NOL12: variants seen among roughly 807,000 people sequenced by gnomAD.
NOL12 encodes nucleolar protein 12.
Under a neutral mutation model 25.2 loss-of-function variants are expected in NOL12, and 21 were observed. The ratio of observed to expected loss-of-function variants is 0.83; its 90% CI spans 0.59 to 1.20. The LOEUF is 1.20. Ranked by LOEUF, NOL12 falls within the 50% of genes most tolerant of loss-of-function variation. The probability of loss-of-function intolerance (pLI) is 0.00; values close to 1 mark genes in which losing one functional copy is unlikely to be tolerated. For synonymous variants in NOL12, 133 were observed against 113.8 expected (o/e 1.17, Z -1.08); for missense variants, 286 against 287.6 (o/e 0.99, Z 0.04).
intron 1 of NOL12, chr22:37,687,040 C>T (rs951635191): frequency 8.1e-6 from 8 of 985,318 alleles, no homozygotes; most frequent in Non-Finnish European, 9.6e-6. Flanking sequence ...GAGATTAGAC[C>T]GAGGGAAGGA....
rs946850830 is a variant in NOL12, at chr22:37,692,067, G to A, written c.*731G>A. ...GAAGGATTAATTAATTCTTTCTAAA[G>A]CAGTTGCAGCCGGGCTTGGTGGCTC... is the stretch of plus-strand genomic sequence containing the variant. On this transcript the variant is annotated 3_prime_UTR_variant, in exon 6 of 6. Coordinates refer to ENST00000359114, the MANE Select transcript of NOL12 (RefSeq NM_024313.3). 1 of 155,018 alleles carries A rather than the reference G, an allele frequency of 6.5e-6. No homozygotes were observed. The highest frequency in any genetic ancestry group is 6.5e-5 in the Admixed American group (1 of 15,328). The allele number at this position is 155,018 out of a possible 1,614,324, so 9.6% of individuals were successfully genotyped here.
chr22:37,687,735 G>A (rs1921884672), intron 1 of NOL12, 175 bp from the exon 2 acceptor site: 2 of 519,112 alleles, frequency 3.9e-6, no homozygotes, highest in South Asian at 4.0e-5. Flanking sequence ...TGGGATTACA[G>A]GCGTGAGCCA....
At chr22:37,688,803 G>C (rs1413884898) in intron 3 of NOL12, 47 bp from the exon 4 acceptor site, 23 of 1,610,062 alleles carry the variant, frequency 1.4e-5, no homozygotes, top group Non-Finnish European at 1.8e-5. Flanking sequence ...CTGGAGCCTG[G>C]TCACTCGTTC....
Position 37,688,977 on chromosome 22 carries a change from G to A in NOL12, c.366G>A (p.Gly122=), listed in dbSNP as rs1921943980. ...ACCTCTCGGGGGCCCGGCTGCTCGGGCTGACCCCACCTGAGGTGGGTCCCA... is the reference window on the plus strand; with the variant it reads ...ACCTCTCGGGGGCCCGGCTGCTCGGACTGACCCCACCTGAGGTGGGTCCCA... ...DLDLSGARLL[G]LTPPEGGAGD... The change falls in exon 4 of 6, where the codon GGG becomes GGA. Residue 122 remains glycine (G), a synonymous_variant. Transcript: ENST00000359114. 1 of 1,612,330 alleles carries A rather than the reference G, an allele frequency of 6.2e-7. No homozygotes were observed. Among genetic ancestry groups the A allele is most frequent in the African/African-American group, 1.3e-5 (1 of 74,948 alleles).
rs1260555460 is a variant in NOL12 at position 37,692,981 on chromosome 22, C to T, written c.*1645C>T. On this transcript the variant is annotated 3_prime_UTR_variant, in exon 6 of 6. Coordinates refer to ENST00000359114, the MANE Select transcript of NOL12 (RefSeq NM_024313.3). ...GCGCCTTGGCCTGGCTTCTTGGCTC[C>T]GCCCACCTGCTCTCCCTGCCACCAA... 8 of 336,118 alleles carry T rather than the reference C, an allele frequency of 2.4e-5. No individual in the cohort carries two copies. Among genetic ancestry groups the T allele is most frequent in the Admixed American group, 4.9e-5 (1 of 20,574 alleles). The allele number at this position is 336,118 out of a possible 1,614,324, so 20.8% of individuals were successfully genotyped here.
chr22:37,691,390 A>G lies in NOL12; in HGVS notation c.*54A>G. On this transcript the variant is annotated 3_prime_UTR_variant, in exon 6 of 6. Transcript: ENST00000359114. ...AGGCTGCGGGGACCTGTCCTTGCTCAGCTTGGCTGTCCCTGTAGCCCAGCC... is the reference window on the plus strand; with the variant it reads ...AGGCTGCGGGGACCTGTCCTTGCTCGGCTTGGCTGTCCCTGTAGCCCAGCC... 1 of 1,523,402 alleles carries G rather than the reference A, an allele frequency of 6.6e-7. No homozygotes were observed. Among genetic ancestry groups the G allele is most frequent in the South Asian group, 1.3e-5 (1 of 79,322 alleles). The allele number at this position is 1,523,402 out of a possible 1,614,324, so 94.4% of individuals were successfully genotyped here.
At chr22:37,691,112 G>C in intron 5 of NOL12, 62 bp from the exon 6 acceptor site, 1 of 1,528,532 alleles carries the variant, frequency 6.5e-7, no homozygotes, top group Non-Finnish European at 8.9e-7. Context: ...TCCCCTCCGT[G>C]AGCCAGGTGG....
chr22:37,688,036 A>G, intron 2 of NOL12, 21 bp downstream of exon 2: 2 of 744,698 alleles, frequency 2.7e-6, no homozygotes, highest in Admixed American at 2.2e-5. Context: ...GGAAGGTGGG[A>G]GGGAGGTCTT....
chr22:37,690,827 C>T (rs1168812234), intron 5 of NOL12, 33 bp downstream of exon 5: 1 of 1,510,256 alleles, frequency 6.6e-7, no homozygotes, highest in South Asian at 1.1e-5. Context: ...CCCGGTCCCA[C>T]CCCTCCTGGC....
At chr22:37,688,047 T>C (rs1049454189) in intron 2 of NOL12, 32 bp downstream of exon 2, 1 of 1,508,642 alleles carries the variant, frequency 6.6e-7, no homozygotes, top group East Asian at 2.4e-5. Flanking sequence ...GGGAGGTCTT[T>C]GATTCTTAGG....
intron 1 of NOL12, chr22:37,687,024 G>A: frequency 2.0e-6 from 2 of 985,426 alleles, no homozygotes; most frequent in Non-Finnish European, 2.4e-6. Flanking sequence ...GAGATGAGAA[G>A]GGGCTGAGAT....
chr22:37,688,681 G>A lies in NOL12; in HGVS notation c.239-169G>A, dbSNP rs915196573. Reference sequence around the variant, plus strand: ...GGACCAGCTAGAGCATGAAGGAAACGGGATCATTCACAACATTCATCCACA... The same window carrying A: ...GGACCAGCTAGAGCATGAAGGAAACAGGATCATTCACAACATTCATCCACA... On this transcript the variant is annotated intron_variant, in intron 3 of 5. Transcript: ENST00000359114. Among the ~76,000 whole-genome samples the A allele has an allele frequency of 2.0e-5, 3 of 152,146 alleles. No individual in the cohort carries two copies. In the East Asian group the frequency reaches 5.8e-4, roughly 29 times the overall value.
rs1287257355 is a variant in NOL12, at chr22:37,690,970, C to A, written c.479+176C>A. On this transcript the variant is annotated intron_variant, in intron 5 of 5. Transcript: ENST00000359114. Reference sequence around the variant, plus strand: ...CCCACCCACCCCTGATAGTGTCTGACCTCCAGTGCTTTTCGTGCCTGGGTG... The same window carrying A: ...CCCACCCACCCCTGATAGTGTCTGAACTCCAGTGCTTTTCGTGCCTGGGTG... 7.3e-6 allele frequency: 5 copies of A among 686,830 alleles called. 1 individual carries two copies. In the South Asian group the frequency reaches 9.7e-5, roughly 13 times the overall value. The allele number at this position is 686,830 out of a possible 1,614,324, so 42.5% of individuals were successfully genotyped here.
Position 37,691,582 on chromosome 22 carries a change from G to C in NOL12, c.*246G>C. The C allele has an allele frequency of 4.3e-6, 2 of 462,144 alleles. No individual in the cohort carries two copies. The highest frequency in any genetic ancestry group is 7.6e-6 in the Non-Finnish European group (2 of 264,508). The allele number at this position is 462,144 out of a possible 1,614,324, so 28.6% of individuals were successfully genotyped here. On this transcript the variant is annotated 3_prime_UTR_variant, in exon 6 of 6. Coordinates refer to ENST00000359114, the MANE Select transcript of NOL12 (RefSeq NM_024313.3). ...CCCCAGGAAGAGCCTTCAGAGCCAC[G>C]TGGGGGCATCTTCCCAAATGTGCAC...
Position 37,688,015 on chromosome 22 carries a change from G to A in NOL12, c.189G>A (p.Glu63=), listed in dbSNP as rs1230541759. 2 of 1,560,626 alleles carry A rather than the reference G, an allele frequency of 1.3e-6. No individual in the cohort carries two copies. The highest frequency in any genetic ancestry group is 1.2e-5 in the South Asian group (1 of 84,650). Residue 63 remains glutamate, a splice_region_variant and synonymous_variant, in exon 2 of 6, where the codon GAG becomes GAA. Coordinates refer to ENST00000359114, the MANE Select transcript of NOL12 (RefSeq NM_024313.3). Reference sequence around the variant, plus strand: ...AGGAGCAGAGGAAGCTTCGGGAGGAGGTACGCAGGGGGAAGGTGGGAGGGA... The same window carrying A: ...AGGAGCAGAGGAAGCTTCGGGAGGAAGTACGCAGGGGGAAGGTGGGAGGGA... The part of the protein sequence containing the change: ...LKEEQRKLRE[E]RHQEYLKMLA...
rs114377891 is a variant in NOL12 at position 37,690,819 on chromosome 22, C to T, written c.479+25C>T. ...GGTGAGTCTTGGCCTGCTGCCTCCCCGGTCCCACCCCTCCTGGCTGGCAGT... is the reference window on the plus strand; with the variant it reads ...GGTGAGTCTTGGCCTGCTGCCTCCCTGGTCCCACCCCTCCTGGCTGGCAGT... On this transcript the variant is annotated intron_variant, in intron 5 of 5. Coordinates refer to ENST00000359114, the MANE Select transcript of NOL12 (RefSeq NM_024313.3). 2.0e-3 allele frequency: 3,073 copies of T among 1,541,290 alleles called. 60 individuals carry two copies. In the African/African-American group the frequency reaches 0.037, roughly 19 times the overall value.
rs1053804606 is a variant in NOL12 at position 37,692,175 on chromosome 22, G to A, written c.*839G>A. ...AGCTCGAGACCAGCCTGGCCAACATGGTGAAACCCTGTCTCTACTAAAAAT... is the reference window on the plus strand; with the variant it reads ...AGCTCGAGACCAGCCTGGCCAACATAGTGAAACCCTGTCTCTACTAAAAAT... On this transcript the variant is annotated 3_prime_UTR_variant, in exon 6 of 6. Transcript: ENST00000359114. 1 of 210,592 alleles carries A rather than the reference G, an allele frequency of 4.7e-6. No homozygotes were observed. Among genetic ancestry groups the A allele is most frequent in the African/African-American group, 2.3e-5 (1 of 43,848 alleles). The allele number at this position is 210,592 out of a possible 1,614,324, so 13.0% of individuals were successfully genotyped here.
In NOL12 at chr22:37,686,415, A is replaced by C; in HGVS notation, c.23A>C (p.Lys8Thr). 1 of 1,605,786 alleles carries C rather than the reference A, an allele frequency of 6.2e-7. No homozygotes were observed. Among genetic ancestry groups the C allele is most frequent in the Admixed American group, 1.7e-5 (1 of 58,746 alleles). Reference protein sequence around the residue: MGRNKKKKRDGDDRRPRL... With the variant: MGRNKKKTRDGDDRRPRL... ...GCTATGGGCCGCAACAAGAAGAAGA[A>C]GCGAGATGGTGACGACCGGCGGCCG... The change falls in exon 1 of 6, where the codon AAG becomes ACG. Residue 8 changes from lysine (K) to threonine (T), a missense_variant. Physicochemically the swap from Lys to Thr is moderately conservative, Grantham distance 78 (BLOSUM62 -1). Coordinates refer to ENST00000359114, the MANE Select transcript of NOL12 (RefSeq NM_024313.3).
chr22:37,691,454 G>A lies in NOL12; in HGVS notation c.*118G>A, dbSNP rs1922062500. ...TGACTGCACAGCTCAAGGTTGGGAA[G>A]CCAGGACCTCTCTGGCCTGGGGCCA... On this transcript the variant is annotated 3_prime_UTR_variant, in exon 6 of 6. Coordinates refer to ENST00000359114, the MANE Select transcript of NOL12 (RefSeq NM_024313.3). 2 of 1,210,806 alleles carry A rather than the reference G, an allele frequency of 1.7e-6. No individual in the cohort carries two copies. Among genetic ancestry groups the A allele is most frequent in the African/African-American group, 3.1e-5 (2 of 63,930 alleles). 75.0% of individuals were successfully genotyped at this position (1,210,806 alleles called of 1,614,324 possible).
Sources: allele counts gnomAD v4.1 joint callset (sites outside exome capture counted in the v4.1 genomes callset), GRCh38; gene constraint gnomAD v4.1.1; transcripts MANE v1.5; gene names NCBI Gene and HGNC (gene_info 2026-07-23, HGNC 2026-07-21).